Variants in PIK3CB observed in about 807,000 individuals in gnomAD.
PIK3CB encodes phosphatidylinositol 4,5-bisphosphate 3-kinase catalytic subunit beta isoform.
PIK3CB carries 39 observed loss-of-function variants against 136.8 expected under a neutral mutation model. That is an observed-to-expected ratio of 0.29 (90% confidence interval 0.22 to 0.37). The LOEUF is 0.37. Ranked by LOEUF, PIK3CB falls within the 10% of genes least tolerant of loss-of-function variation. The pLI is 1.00. For synonymous variants in PIK3CB, 428 were observed against 436.6 expected (o/e 0.98, Z 0.25); for missense variants, 868 against 1,275.4 (o/e 0.68, Z 4.87).
At chr3:138,755,691 A>C in intron 4 of PIK3CB, 63 bp downstream of exon 4, 1 of 742,996 alleles carries the variant, frequency 1.3e-6, no homozygotes, top group South Asian at 1.9e-5. Flanking sequence ...AAATATACTT[A>C]CTATATGTTT....
intron 10 of PIK3CB, among the ~76,000 whole-genome samples, chr3:138,711,579 CAAAAA>C (rs139989947): frequency 1.5e-5 from 1 of 67,540 alleles, no homozygotes. Context: ...AACTCCGTCG[CAAAAA>C]AAAAAAAAAA....
chr3:138,833,785 C>T (rs1934150680), intron 1 of PIK3CB, among the ~76,000 whole-genome samples: 1 of 152,194 alleles, frequency 6.6e-6, no homozygotes, highest in African/African-American at 2.4e-5. Context: ...TGAGATGAAA[C>T]AGCAAAGCAC....
chr3:138,794,624 G>C (rs545038921), intron 2 of PIK3CB, among the ~76,000 whole-genome samples: 1 of 152,084 alleles, frequency 6.6e-6, no homozygotes, highest in South Asian at 2.1e-4. Flanking sequence ...CATATTTACC[G>C]AGCATTTACT....
chr3:138,702,454 T>C (rs1300858919), intron 12 of PIK3CB, among the ~76,000 whole-genome samples: 1 of 152,176 alleles, frequency 6.6e-6, no homozygotes, highest in Non-Finnish European at 1.5e-5. Flanking sequence ...GCAAGATTAC[T>C]GCATGCTCAG....
chr3:138,772,781 CTCTTT>C (rs1247907531), intron 2 of PIK3CB, among the ~76,000 whole-genome samples: 4 of 127,538 alleles, frequency 3.1e-5, no homozygotes, highest in Admixed American at 1.6e-4. Flanking sequence ...GCTATTTATT[CTCTTT>C]TTTTTTTTTT....
intron 12 of PIK3CB, among the ~76,000 whole-genome samples, chr3:138,703,845 C>G (rs529341395): frequency 1.3e-5 from 2 of 152,104 alleles, no homozygotes; most frequent in Non-Finnish European, 2.9e-5. Flanking sequence ...CTCTCAGATG[C>G]GTGTGTACTT....
rs575541885 is a variant in PIK3CB, at chr3:138,757,615, G to C, written c.171+1558C>G. 4.1e-5 allele frequency among the ~76,000 whole-genome samples: 6 copies of C among 146,784 alleles called. No individual in the cohort carries two copies. The South Asian group carries it at 1.3e-3, about 32-fold the overall frequency. On this transcript the variant is annotated intron_variant, in intron 3 of 23. Coordinates refer to ENST00000674063, the MANE Select transcript of PIK3CB (RefSeq NM_006219.3). ...AGGAAGGAAGAAAGGAAGGAAGAAG[G>C]GAGGGAGGGAGAGAGGGGAGGGGAA...
chr3:138,789,012 G>GT (rs1215276576), intron 2 of PIK3CB, among the ~76,000 whole-genome samples: 84 of 136,112 alleles, frequency 6.2e-4, no homozygotes, highest in East Asian at 4.9e-3. Flanking sequence ...ACACCACAGA[G>GT]TTTTTTTTTT....
chr3:138,746,119 GC>G (rs777146522), intron 4 of PIK3CB, among the ~76,000 whole-genome samples: 2 of 151,874 alleles, frequency 1.3e-5, no homozygotes, highest in Non-Finnish European at 2.9e-5. Flanking sequence ...GGTGGTGCAT[GC>G]CTGTAGTCCC....
intron 2 of PIK3CB, among the ~76,000 whole-genome samples, chr3:138,789,687 A>T: frequency 7.0e-6 from 1 of 142,672 alleles, no homozygotes. Flanking sequence ...ATACAATGGA[A>T]TATTATTCAG....
At chr3:138,746,979 ATTGAT>A (rs2045366715) in intron 4 of PIK3CB, among the ~76,000 whole-genome samples, 1 of 143,422 alleles carries the variant, frequency 7.0e-6, no homozygotes, top group Non-Finnish European at 1.5e-5. Flanking sequence ...CTTATACTGG[ATTGAT>A]TTATCTCGAA....
At chr3:138,747,101 T>TATATATATATATATAC in intron 4 of PIK3CB, among the ~76,000 whole-genome samples, 1 of 92,694 alleles carries the variant, frequency 1.1e-5, no homozygotes, top group African/African-American at 4.8e-5. Flanking sequence ...TATATATATA[T>TATATATATATATATAC]ATATATATAT....
intron 10 of PIK3CB, among the ~76,000 whole-genome samples, chr3:138,710,023 CAAAAA>C (rs34985570): frequency 1.1e-5 from 1 of 91,950 alleles, no homozygotes; most frequent in Non-Finnish European, 2.2e-5. Flanking sequence ...ACAAAAAATA[CAAAAA>C]AAAAAAAAAA....
At chr3:138,686,735 A>G (rs1369756401) in intron 16 of PIK3CB, among the ~76,000 whole-genome samples, 2 of 152,196 alleles carry the variant, frequency 1.3e-5, no homozygotes, top group African/African-American at 4.8e-5. Context: ...TCATTTTTAA[A>G]TTCTGCTTCT....
At chr3:138,793,913 G>GT (rs1462139602) in intron 2 of PIK3CB, among the ~76,000 whole-genome samples, 1 of 152,178 alleles carries the variant, frequency 6.6e-6, no homozygotes, top group Non-Finnish European at 1.5e-5. Flanking sequence ...TTCTGTGGCT[G>GT]TGGTAAGGAG....
chr3:138,668,908 TTA>T (rs2043469164), intron 19 of PIK3CB, among the ~76,000 whole-genome samples: 2 of 152,328 alleles, frequency 1.3e-5, no homozygotes, highest in Non-Finnish European at 2.9e-5. Context: ...TAGCTTCTAC[TTA>T]TGAGTGATAT....
At chr3:138,736,984 C>A (rs1484907972) in intron 6 of PIK3CB, among the ~76,000 whole-genome samples, 1 of 152,024 alleles carries the variant, frequency 6.6e-6, no homozygotes, top group Admixed American at 6.6e-5. Context: ...CTTTACCTCC[C>A]CCAGAATATT....
chr3:138,753,564 C>T (rs1382071874), intron 4 of PIK3CB, among the ~76,000 whole-genome samples: 1 of 150,886 alleles, frequency 6.6e-6, no homozygotes, highest in African/African-American at 2.4e-5. Context: ...AGCACAATGG[C>T]TCACACCTAT....
At chr3:138,823,322 T>G (rs1463947734) in intron 1 of PIK3CB, among the ~76,000 whole-genome samples, 2 of 151,984 alleles carry the variant, frequency 1.3e-5, no homozygotes, top group Admixed American at 6.6e-5. Context: ...AGTGATCATA[T>G]TTCAACTATT....
Sources: allele counts gnomAD v4.1 joint callset (sites outside exome capture counted in the v4.1 genomes callset), GRCh38; gene constraint gnomAD v4.1.1; transcripts MANE v1.5; gene names NCBI Gene and HGNC (gene_info 2026-07-23, HGNC 2026-07-21).